CREBBP: variants seen among roughly 807,000 people sequenced by gnomAD.
CREBBP encodes the protein CREB binding lysine acetyltransferase.
A neutral mutation model predicts 265.0 loss-of-function variants in CREBBP; 19 were observed. That is an observed-to-expected ratio of 0.07 (90% confidence interval 0.05 to 0.11). The LOEUF (loss-of-function observed/expected upper bound fraction) is 0.11. Ranked by LOEUF, CREBBP falls within the 10% of genes least tolerant of loss-of-function variation. The pLI, the probability that CREBBP is intolerant of heterozygous loss-of-function variation, is 1.00. For synonymous variants in CREBBP, 1,457 were observed against 1,223.7 expected, an observed-to-expected ratio of 1.19 and a Z score of -3.98; for missense variants, 2,525 against 3,219.0, an observed-to-expected ratio of 0.78 and a Z score of 5.22.
At chr16:3,736,983 C>T in intron 26 of CREBBP, 168 bp from the exon 27 acceptor site, 5 of 798,274 alleles carry the variant, frequency 6.3e-6, no homozygotes, top group Non-Finnish European at 8.2e-6. Context: ...CGAACTTTAT[C>T]CTGAGCAAAT....
At chr16:3,839,415 T>G (rs1487157708) in intron 2 of CREBBP, among the ~76,000 whole-genome samples, 1 of 152,146 alleles carries the variant, frequency 6.6e-6, no homozygotes, top group Non-Finnish European at 1.5e-5. Context: ...GTGAGGTGGC[T>G]CATGTCTGTA....
chr16:3,844,387 A>G (rs1363829900), intron 2 of CREBBP, among the ~76,000 whole-genome samples: 2 of 152,202 alleles, frequency 1.3e-5, no homozygotes, highest in Non-Finnish European at 2.9e-5. Context: ...AATCTGTCAC[A>G]TAAATAAATG....
rs533206569 is a variant in CREBBP, at chr16:3,739,479, C to T, written c.4280+99G>A. 9.1e-6 allele frequency: 13 copies of T among 1,424,896 alleles called. 1 individual carries two copies. The South Asian group carries it at 1.6e-4, about 17-fold the overall frequency. The allele number at this position is 1,424,896 out of a possible 1,614,324, so 88.3% of individuals were successfully genotyped here. A position where few individuals can be genotyped will look rare whatever the true frequency, so the allele number is the denominator to read the frequency against. On this transcript the variant is annotated intron_variant, in intron 25 of 30. Coordinates refer to ENST00000262367, the MANE Select transcript of CREBBP (RefSeq NM_004380.3). ...TTGTGGTTTCATTTACTTTAATCCC[C>T]TATGAAGGCTCACAGGCTCCTCTGG...
At chr16:3,790,366 CTTTTTTTTTTTT>C (rs57582399) in intron 5 of CREBBP, among the ~76,000 whole-genome samples, 1 of 66,588 alleles carries the variant, frequency 1.5e-5, no homozygotes, top group African/African-American at 5.9e-5. Context: ...AGGAAACTGG[CTTTTTTTTTTTT>C]TTTTTTTTTT....
chr16:3,738,527 T>C, intron 26 of CREBBP, 32 bp downstream of exon 26: 2 of 1,296,326 alleles, frequency 1.5e-6, no homozygotes, highest in South Asian at 2.4e-5. Flanking sequence ...AAAGGGTTCT[T>C]ACTAGTTCCA....
intron 5 of CREBBP, among the ~76,000 whole-genome samples, chr16:3,788,773 G>A (rs576421949): frequency 9.8e-5 from 15 of 152,312 alleles, no homozygotes; most frequent in African/African-American, 3.6e-4. Flanking sequence ...GCAACATGGT[G>A]AAACCCCATC....
intron 1 of CREBBP, among the ~76,000 whole-genome samples, chr16:3,875,601 T>C (rs1444241116): frequency 2.0e-5 from 3 of 152,250 alleles, no homozygotes; most frequent in Admixed American, 6.5e-5. Context: ...GGAAGGCCGC[T>C]ACTGAAACTC....
intron 16 of CREBBP, 50 bp from the exon 17 acceptor site, chr16:3,759,022 C>T: frequency 1.5e-6 from 2 of 1,364,200 alleles, no homozygotes; most frequent in Admixed American, 1.7e-5. Context: ...TGCTCAGATC[C>T]CTCCTACCTC....
intron 2 of CREBBP, among the ~76,000 whole-genome samples, chr16:3,818,298 CTTTTCTTTTT>C (rs1019168263): frequency 7.7e-6 from 1 of 130,658 alleles, no homozygotes; most frequent in Non-Finnish European, 1.7e-5. Context: ...TTTAGGTTTT[CTTTTCTTTTT>C]TTTTTTTTTT....
intron 16 of CREBBP, 55 bp downstream of exon 16, chr16:3,767,665 C>A: frequency 6.2e-7 from 1 of 1,610,550 alleles, no homozygotes; most frequent in East Asian, 2.2e-5. Context: ...CACATGGAAT[C>A]CTAACACCGT....
chr16:3,869,911 C>T (rs957268913), intron 1 of CREBBP, among the ~76,000 whole-genome samples: 2 of 152,174 alleles, frequency 1.3e-5, no homozygotes, highest in Non-Finnish European at 2.9e-5. Context: ...CAAATGATTC[C>T]CTCAGAGACT....
At chr16:3,772,328 A>C (rs867324821) in intron 13 of CREBBP, among the ~76,000 whole-genome samples, 10 of 145,250 alleles carry the variant, frequency 6.9e-5, no homozygotes, top group African/African-American at 1.8e-4. Flanking sequence ...CTGAAACACA[A>C]ACACACACAC....
At position 3,728,281 on chromosome 16, in the gene CREBBP, G is replaced by T. The variant is rs752887380; in HGVS notation, c.6766C>A (p.Leu2256Ile). ...ATCTGGCCCATGGAGCTGCCCTGGA[G>T]GGGGAGATGCTGCTGCATGCGCTGC... ...QQQRMQQHLPLQGSSMGQMAA... is the reference protein window; with the variant it reads ...QQQRMQQHLPIQGSSMGQMAA... The change falls in exon 31 of 31, where the codon CTC (leucine) becomes ATC (isoleucine). Residue 2256 changes from leucine to isoleucine, a missense_variant. Physicochemically the swap from Leu to Ile is conservative, Grantham distance 5. Around this residue, in one of 19 missense-constraint regions of CREBBP, gnomAD observed 473 missense variants for 459.3 expected, o/e 1.03. Transcript: ENST00000262367. This position sits in a 1 kb window ranked among gnomAD's most constrained non-coding sequence, Gnocchi z 8.7. The T allele has an allele frequency of 1.9e-6, 3 of 1,612,054 alleles. No individual in the cohort carries two copies. The highest frequency in any genetic ancestry group is 1.3e-5 in the African/African-American group (1 of 74,894).
intron 2 of CREBBP, among the ~76,000 whole-genome samples, chr16:3,849,405 GTGTGTGTGTGTGTGTGTGTGT>G (rs2054738749): frequency 2.2e-4 from 1 of 4,610 alleles, no homozygotes; most frequent in Admixed American, 4.2e-3. Flanking sequence ...GTGTGTGTGT[GTGTGTGTGTGTGTGTGTGTGT>G]GTGTGTGTGT....
chr16:3,876,399 CAAAAAAAAAAAAAAAAAAA>C (rs71133663), intron 1 of CREBBP, among the ~76,000 whole-genome samples: 1 of 18,156 alleles, frequency 5.5e-5, no homozygotes, highest in Non-Finnish European at 1.1e-4. Flanking sequence ...TAAAGCTGAC[CAAAAAAAAAAAAAAAAAAA>C]AAAAAAAACA....
chr16:3,792,403 A>G (rs1265815946), intron 4 of CREBBP, among the ~76,000 whole-genome samples: 1 of 152,264 alleles, frequency 6.6e-6, no homozygotes, highest in Non-Finnish European at 1.5e-5. Context: ...GGTAGAACAA[A>G]TAATAGTTCT....
At chr16:3,855,079 T>A (rs1346077264) in intron 1 of CREBBP, among the ~76,000 whole-genome samples, 1 of 152,202 alleles carries the variant, frequency 6.6e-6, no homozygotes, top group Non-Finnish European at 1.5e-5. Flanking sequence ...ATTTTGCTGG[T>A]TGTCCCAATA....
chr16:3,875,090 G>C (rs1409018758), intron 1 of CREBBP, among the ~76,000 whole-genome samples: 3 of 152,304 alleles, frequency 2.0e-5, no homozygotes, highest in African/African-American at 7.2e-5. Context: ...TAGAAGCTGT[G>C]AAAACACAGG....
At chr16:3,856,876 G>A (rs188800763) in intron 1 of CREBBP, among the ~76,000 whole-genome samples, 2 of 152,282 alleles carry the variant, frequency 1.3e-5, no homozygotes, top group Admixed American at 1.3e-4. Context: ...CTCTTCCTAG[G>A]AGAGGGAGGC....
Sources: allele counts gnomAD v4.1 joint callset (sites outside exome capture counted in the v4.1 genomes callset), GRCh38; gene constraint gnomAD v4.1.1; regional missense constraint gnomAD v4.1.1; non-coding constraint Gnocchi (gnomAD v3.1); transcripts MANE v1.5; gene names NCBI Gene and HGNC (gene_info 2026-07-23, HGNC 2026-07-21).